The following CSMD1 variants were observed in gnomAD, a reference collection of about 807,000 sequenced individuals.
CSMD1 encodes CUB and Sushi multiple domains 1.
CSMD1 carries 213 observed loss-of-function variants against 417.5 expected under a neutral mutation model. The ratio of observed to expected loss-of-function variants is 0.51; its 90% confidence interval spans 0.46 to 0.57. The LOEUF (loss-of-function observed/expected upper bound fraction) is 0.57. Ranked by LOEUF, CSMD1 falls within the 20% of genes least tolerant of loss-of-function variation. CSMD1 has a pLI of 0.00. For missense variants in CSMD1, 6,923 were observed against 4,529.7 expected (o/e 1.53, Z -15.17); for synonymous variants, 2,862 against 1,736.8 (o/e 1.65, Z -16.11).
chr8:4,344,337 A>G (rs1255411789), intron 3 of CSMD1, among the ~76,000 whole-genome samples: 2 of 151,990 alleles, frequency 1.3e-5, no homozygotes, highest in East Asian at 1.9e-4. Flanking sequence ...TCAGCTTTAC[A>G]TCTTTCAGGT....
Position 4,176,620 on chromosome 8 carries a change from AAG to A in CSMD1, c.416-144523_416-144522del, listed in dbSNP as rs552714752. 5.6e-3 allele frequency among the ~76,000 whole-genome samples: 29 copies of A among 5,222 alleles called. 1 individual carries two copies. Among genetic ancestry groups the A allele is most frequent in the Non-Finnish European group, 0.01 (3 of 286 alleles). 3.4% of individuals were successfully genotyped at this position (5,222 alleles called of 152,430 possible). On this transcript the variant is annotated intron_variant, in intron 3 of 69. Coordinates refer to ENST00000635120, the MANE Select transcript of CSMD1 (RefSeq NM_033225.6). ...AGGAGTAGGAAATTCTAATCCATAA[AAG>A]ACACAGACTGGCAAATTGGATAAAG...
At chr8:4,825,478 A>G (rs1362479858) in intron 1 of CSMD1, among the ~76,000 whole-genome samples, 1 of 152,002 alleles carries the variant, frequency 6.6e-6, no homozygotes, top group Non-Finnish European at 1.5e-5. Context: ...GAAACTTTAT[A>G]CCTCTTGAAA....
chr8:4,021,689 G>T (rs184356733), intron 4 of CSMD1, among the ~76,000 whole-genome samples: 3 of 152,054 alleles, frequency 2.0e-5, no homozygotes, highest in Admixed American at 6.6e-5. Flanking sequence ...AAACTTGTTC[G>T]GAGTGACTAT....
At chr8:3,957,982 T>A (rs998669833) in intron 5 of CSMD1, among the ~76,000 whole-genome samples, 1 of 152,188 alleles carries the variant, frequency 6.6e-6, no homozygotes, top group Non-Finnish European at 1.5e-5. Context: ...TACTTTCTTT[T>A]TGCTTGCTTA....
At chr8:4,142,665 C>A (rs75702956) in intron 3 of CSMD1, among the ~76,000 whole-genome samples, 3 of 150,618 alleles carry the variant, frequency 2.0e-5, no homozygotes, top group Non-Finnish European at 4.4e-5. Context: ...CTGATTCTGG[C>A]CGTGGCTTCT....
At chr8:3,071,237 T>C (rs1286761934) in intron 49 of CSMD1, among the ~76,000 whole-genome samples, 1 of 152,138 alleles carries the variant, frequency 6.6e-6, no homozygotes, top group Non-Finnish European at 1.5e-5. Flanking sequence ...ATATCCAAAA[T>C]ATATTAGTAT....
chr8:3,448,171 G>C (rs896005581), intron 12 of CSMD1, among the ~76,000 whole-genome samples: 1 of 150,602 alleles, frequency 6.6e-6, no homozygotes, highest in East Asian at 2.0e-4. Context: ...TGGGGGAGTA[G>C]ATAGTGAAGA....
intron 7 of CSMD1, among the ~76,000 whole-genome samples, chr8:3,657,963 G>A (rs1303827203): frequency 6.6e-6 from 1 of 152,024 alleles, no homozygotes; most frequent in African/African-American, 2.4e-5. Flanking sequence ...GTTGATTAAT[G>A]GTAAATACAT....
At position 3,737,180 on chromosome 8, in the gene CSMD1, C is replaced by T. The variant is rs752882475; in HGVS notation, c.931+16750G>A. ...AGTTTAATAAAAATTGCATTTCCTA[C>T]CCTAATCACAAACAATGACTATCGG... On this transcript the variant is annotated intron_variant, in intron 6 of 69. Coordinates refer to ENST00000635120, the MANE Select transcript of CSMD1 (RefSeq NM_033225.6). Among the ~76,000 whole-genome samples, 5 of 152,130 alleles carry T rather than the reference C, an allele frequency of 3.3e-5. No individual in the cohort carries two copies. The South Asian group carries it at 6.2e-4, about 19-fold the overall frequency.
chr8:4,425,306 T>C (rs1797484611), intron 2 of CSMD1, among the ~76,000 whole-genome samples: 2 of 151,196 alleles, frequency 1.3e-5, no homozygotes, highest in South Asian at 4.2e-4. Flanking sequence ...TATGGACGTA[T>C]GTAGGGAAAA....
chr8:4,429,081 A>G (rs1424739960), intron 2 of CSMD1, among the ~76,000 whole-genome samples: 3 of 151,968 alleles, frequency 2.0e-5, no homozygotes, highest in Non-Finnish European at 2.9e-5. Flanking sequence ...GTCTCAGTAT[A>G]TATGTCCATC....
At chr8:3,957,658 T>C (rs1812049256) in intron 5 of CSMD1, among the ~76,000 whole-genome samples, 1 of 151,132 alleles carries the variant, frequency 6.6e-6, no homozygotes, top group African/African-American at 2.4e-5. Flanking sequence ...CACTCCAGCC[T>C]GGGCTATTAA....
intron 6 of CSMD1, among the ~76,000 whole-genome samples, chr8:3,743,090 T>A (rs1337256237): frequency 1.3e-5 from 2 of 152,192 alleles, no homozygotes; most frequent in East Asian, 3.9e-4. Context: ...ATCTCACTGC[T>A]GGATAAACAA....
intron 3 of CSMD1, among the ~76,000 whole-genome samples, chr8:4,047,743 A>G (rs1233382242): frequency 6.6e-6 from 1 of 152,084 alleles, no homozygotes; most frequent in Non-Finnish European, 1.5e-5. Context: ...AAAATAAATC[A>G]AGAGAAAATG....
At chr8:4,078,762 A>G (rs1418118076) in intron 3 of CSMD1, among the ~76,000 whole-genome samples, 1 of 150,724 alleles carries the variant, frequency 6.6e-6, no homozygotes, top group Non-Finnish European at 1.5e-5. Context: ...CAGGCCTGGC[A>G]CACTGGCTTA....
intron 5 of CSMD1, among the ~76,000 whole-genome samples, chr8:3,845,377 G>A (rs1416320677): frequency 6.6e-6 from 1 of 152,154 alleles, no homozygotes; most frequent in East Asian, 1.9e-4. Flanking sequence ...TACTGCATGG[G>A]ACTGCCCTGA....
At chr8:3,917,627 C>T (rs997780287) in intron 5 of CSMD1, among the ~76,000 whole-genome samples, 2 of 151,550 alleles carry the variant, frequency 1.3e-5, no homozygotes, top group Admixed American at 6.6e-5. Context: ...TTACCTTTTT[C>T]TTAAAAATGC....
chr8:4,079,312 C>T (rs189871099), intron 3 of CSMD1, among the ~76,000 whole-genome samples: 19 of 152,238 alleles, frequency 1.2e-4, no homozygotes, highest in Non-Finnish European at 2.5e-4. Context: ...CAAATTGTGA[C>T]TAGGCAATGT....
intron 5 of CSMD1, among the ~76,000 whole-genome samples, chr8:3,865,596 C>G (rs1345513086): frequency 6.6e-6 from 1 of 152,166 alleles, no homozygotes; most frequent in Non-Finnish European, 1.5e-5. Context: ...TGCCTCTCAT[C>G]AGCAAAGCGC....
Sources: gnomAD v4.1 joint callset for allele counts (sites outside exome capture counted in the v4.1 genomes callset) on GRCh38, gnomAD v4.1.1 for gene constraint, MANE v1.5 for transcripts, NCBI Gene and HGNC (gene_info 2026-07-23, HGNC 2026-07-21) for gene names.